The following CCNYL1 variants were observed in gnomAD, a reference collection of about 807,000 sequenced individuals.
The protein encoded by CCNYL1 is cyclin-Y-like protein 1.
A neutral mutation model predicts 44.2 loss-of-function variants in CCNYL1; 16 were observed. That is an observed-to-expected ratio of 0.36 (90% CI 0.25 to 0.55). The LOEUF is 0.55. Ranked by LOEUF, CCNYL1 falls within the 20% of genes least tolerant of loss-of-function variation. The pLI, the probability that CCNYL1 is intolerant of heterozygous loss-of-function variation, is 0.85. For missense variants in CCNYL1, 348 were observed against 451.8 expected (o/e 0.77, Z 2.08); for synonymous variants, 159 against 163.2 (o/e 0.97, Z 0.20).
intron 1 of CCNYL1, among the ~76,000 whole-genome samples, chr2:207,724,175 T>C (rs974329154): frequency 3.6e-4 from 55 of 152,094 alleles, no homozygotes; most frequent in African/African-American, 1.3e-3. Flanking sequence ...AAGTGAGAAA[T>C]TGAGGGCAAA....
At chr2:207,724,986 C>A (rs2091669290) in intron 2 of CCNYL1, 112 bp downstream of exon 2, 2 of 805,858 alleles carry the variant, frequency 2.5e-6, no homozygotes, top group Non-Finnish European at 3.8e-6. Flanking sequence ...TTAAAATTTT[C>A]TTTTCATATG....
At chr2:207,713,075 A>C (rs1484277577) in intron 1 of CCNYL1, among the ~76,000 whole-genome samples, 1 of 152,136 alleles carries the variant, frequency 6.6e-6, no homozygotes, top group East Asian at 1.9e-4. Flanking sequence ...CGGCCTCCCA[A>C]AGTGCTGGGA....
At chr2:207,742,459 C>G in intron 7 of CCNYL1, 117 bp downstream of exon 7, 1 of 933,868 alleles carries the variant, frequency 1.1e-6, no homozygotes, top group Non-Finnish European at 1.6e-6. Context: ...TTAAGAGAAA[C>G]CTATGAAAGG....
chr2:207,711,798 C>G lies in CCNYL1; in HGVS notation c.-99C>G, dbSNP rs987991902. 2.5e-6 allele frequency: 2 copies of G among 803,624 alleles called. No individual in the cohort carries two copies. Among genetic ancestry groups the G allele is most frequent in the African/African-American group, 3.6e-5 (2 of 55,158 alleles). 49.8% of individuals were successfully genotyped at this position (803,624 alleles called of 1,614,324 possible). On this transcript the variant is annotated 5_prime_UTR_variant, in exon 1 of 10. Coordinates refer to ENST00000295414, the MANE Select transcript of CCNYL1 (RefSeq NM_001330218.2). ...CAGCCCCAGCGTAGCCCGGGGCTGC[C>G]GGTGCCGGCCGCGCCATTGTTGGGG...
intron 1 of CCNYL1, among the ~76,000 whole-genome samples, chr2:207,716,220 T>C (rs969759175): frequency 4.6e-5 from 7 of 152,192 alleles, no homozygotes; most frequent in Admixed American, 4.6e-4. Context: ...CTCTCTGAAG[T>C]GACTCTTTCT....
intron 9 of CCNYL1, among the ~76,000 whole-genome samples, chr2:207,752,035 C>CA (rs999012414): frequency 3.4e-4 from 49 of 143,160 alleles, no homozygotes; most frequent in African/African-American, 3.6e-4. Context: ...ATTGTGTCTC[C>CA]AAAAAAAAAA....
chr2:207,733,351 T>C (rs2091743489), intron 3 of CCNYL1, among the ~76,000 whole-genome samples: 1 of 152,258 alleles, frequency 6.6e-6, no homozygotes, highest in South Asian at 2.1e-4. Context: ...TTTGTCATCT[T>C]TTTTGTTTGG....
rs2091548365 is a variant in CCNYL1 at position 207,711,703 on chromosome 2, G to C, written c.-194G>C. On this transcript the variant is annotated 5_prime_UTR_variant, in exon 1 of 10. Coordinates refer to ENST00000295414, the MANE Select transcript of CCNYL1 (RefSeq NM_001330218.2). ...CGGTGGGGGTGCGGCCGAGGCCCGAGCCCTGCCCGGGGCCGGGCCGCGGGG... is the reference window on the plus strand; with the variant it reads ...CGGTGGGGGTGCGGCCGAGGCCCGACCCCTGCCCGGGGCCGGGCCGCGGGG... 1 of 169,468 alleles carries C rather than the reference G, an allele frequency of 5.9e-6. No homozygotes were observed. The highest frequency in any genetic ancestry group is 1.8e-4 in the South Asian group (1 of 5,472). 10.5% of individuals were successfully genotyped at this position (169,468 alleles called of 1,614,324 possible).
chr2:207,718,554 A>T (rs2091614964), intron 1 of CCNYL1, among the ~76,000 whole-genome samples: 1 of 152,200 alleles, frequency 6.6e-6, no homozygotes, highest in South Asian at 2.1e-4. Flanking sequence ...CAAAGTGATG[A>T]ATAGACAAGT....
rs2091923668 is a variant in CCNYL1, at chr2:207,755,233, A to G, written c.*1535A>G. 3 of 152,074 alleles carry G rather than the reference A, an allele frequency of 2.0e-5. No homozygotes were observed. The highest frequency in any genetic ancestry group is 7.2e-5 in the African/African-American group (3 of 41,384). The allele number at this position is 152,074 out of a possible 1,614,324, so 9.4% of individuals were successfully genotyped here. The stretch of plus-strand genomic sequence containing the variant: ...GCCTGTAAAAAAAAATAATAAAAAT[A>G]GTTGGATATGGTGGCATGTGTCTGT... On this transcript the variant is annotated 3_prime_UTR_variant, in exon 10 of 10. Transcript: ENST00000295414.
intron 8 of CCNYL1, among the ~76,000 whole-genome samples, chr2:207,750,085 C>T (rs1231498881): frequency 6.6e-6 from 1 of 152,198 alleles, no homozygotes; most frequent in Non-Finnish European, 1.5e-5. Flanking sequence ...TTGCATTCAG[C>T]TCACTCCTAC....
chr2:207,737,363 C>T (rs371017128), intron 4 of CCNYL1, 48 bp from the exon 5 acceptor site: 25 of 1,451,070 alleles, frequency 1.7e-5, no homozygotes, highest in Non-Finnish European at 2.4e-5. Flanking sequence ...TCAGGCCTAA[C>T]AAATGTTTAA....
chr2:207,742,522 C>T (rs942293868), intron 7 of CCNYL1, among the ~76,000 whole-genome samples, 180 bp downstream of exon 7: 4 of 152,120 alleles, frequency 2.6e-5, no homozygotes, highest in African/African-American at 9.7e-5. Context: ...AACATGTTTC[C>T]ATTGCTTTTC....
At chr2:207,715,385 T>TC (rs1294358919) in intron 1 of CCNYL1, among the ~76,000 whole-genome samples, 14 of 143,464 alleles carry the variant, frequency 9.8e-5, no homozygotes, top group Non-Finnish European at 1.8e-4. Context: ...ATTTCTTTTT[T>TC]TTTTTTTTTT....
intron 8 of CCNYL1, among the ~76,000 whole-genome samples, chr2:207,748,130 C>G (rs1449556356): frequency 6.6e-6 from 1 of 152,152 alleles, no homozygotes; most frequent in Non-Finnish European, 1.5e-5. Flanking sequence ...TCTGTTTTTA[C>G]AGAAGCCTTG....
intron 3 of CCNYL1, among the ~76,000 whole-genome samples, chr2:207,732,644 A>T (rs1186627327): frequency 6.6e-6 from 1 of 152,160 alleles, no homozygotes; most frequent in Non-Finnish European, 1.5e-5. Context: ...TTTAAAAAAA[A>T]ATGCTACTGT....
chr2:207,729,127 G>A (rs141320574), intron 3 of CCNYL1, among the ~76,000 whole-genome samples: 1 of 152,058 alleles, frequency 6.6e-6, no homozygotes, highest in Non-Finnish European at 1.5e-5. Context: ...GGACCAATAA[G>A]TCTGTAGACT....
At chr2:207,713,970 C>T (rs1274029828) in intron 1 of CCNYL1, among the ~76,000 whole-genome samples, 1 of 152,140 alleles carries the variant, frequency 6.6e-6, no homozygotes, top group East Asian at 1.9e-4. Flanking sequence ...CCAAATAAGG[C>T]TCCCACCCAG....
chr2:207,726,965 T>C, intron 3 of CCNYL1, 89 bp downstream of exon 3: 1 of 815,230 alleles, frequency 1.2e-6, no homozygotes, highest in Non-Finnish European at 1.9e-6. Flanking sequence ...GGGGACCCAA[T>C]ACTGTTAGTA....
Sources: gnomAD v4.1 joint callset for allele counts (sites outside exome capture counted in the v4.1 genomes callset) on GRCh38, gnomAD v4.1.1 for gene constraint, MANE v1.5 for transcripts, NCBI Gene and HGNC (gene_info 2026-07-23, HGNC 2026-07-21) for gene names.